BMPER: variants seen among roughly 807,000 people sequenced by gnomAD.
The protein encoded by BMPER is BMP-binding endothelial regulator protein.
BMPER carries 45 observed loss-of-function variants against 87.3 expected under a neutral mutation model. The observed-to-expected ratio is 0.52, with a 90% confidence interval of 0.41 to 0.66. The LOEUF is 0.66. BMPER is among the 30% of genes least tolerant of loss of function. The pLI is 0.00. For missense variants in BMPER, 784 were observed against 867.5 expected (o/e 0.90, Z 1.21); for synonymous variants, 326 against 316.2 (o/e 1.03, Z -0.33).
intron 12 of BMPER, among the ~76,000 whole-genome samples, chr7:34,081,763 A>G (rs57681533): frequency 0.06 from 9,174 of 152,252 alleles, 930 homozygotes; most frequent in African/African-American, 0.21. Context: ...TTTACACTTG[A>G]TGAACCCAGA....
chr7:34,080,866 C>A (rs1464618162), intron 12 of BMPER, among the ~76,000 whole-genome samples: 1 of 151,958 alleles, frequency 6.6e-6, no homozygotes, highest in Non-Finnish European at 1.5e-5. Context: ...AATAAATGTA[C>A]TCTTTACAAA....
chr7:34,017,020 C>G (rs1266729850), intron 6 of BMPER, among the ~76,000 whole-genome samples: 1 of 151,860 alleles, frequency 6.6e-6, no homozygotes, highest in African/African-American at 2.4e-5. Context: ...AGCATGGCCT[C>G]TTTAGAAACT....
intron 3 of BMPER, among the ~76,000 whole-genome samples, chr7:33,958,421 A>C (rs1456851852): frequency 6.6e-6 from 1 of 152,212 alleles, no homozygotes; most frequent in Non-Finnish European, 1.5e-5. Context: ...AAATGTAAAC[A>C]CATTTAGAAC....
chr7:34,013,967 T>C (rs1160692517), intron 6 of BMPER, among the ~76,000 whole-genome samples: 1 of 151,980 alleles, frequency 6.6e-6, no homozygotes, highest in African/African-American at 2.4e-5. Flanking sequence ...CTCCATCTTC[T>C]TTCCCTCACC....
chr7:34,102,013 A>G lies in BMPER; in HGVS notation c.1745+15921A>G, dbSNP rs544013820. Among the ~76,000 whole-genome samples, 76 of 152,362 alleles carry G rather than the reference A, an allele frequency of 5.0e-4. No homozygotes were observed. In the South Asian group the frequency reaches 0.016, roughly 32 times the overall value. On this transcript the variant is annotated intron_variant, in intron 13 of 14. Transcript: ENST00000649409. ...ATGAAGAAAACCCATTAAAGTGGTT[A>G]AAGTTGTAACACATTTCATTTGTAA...
chr7:33,957,875 G>C (rs6970127), intron 3 of BMPER, among the ~76,000 whole-genome samples: 8 of 152,188 alleles, frequency 5.3e-5, no homozygotes, highest in South Asian at 2.1e-4. Context: ...TTTACATTAA[G>C]TAATATGTTT....
At chr7:33,961,770 G>A (rs1425654591) in intron 3 of BMPER, among the ~76,000 whole-genome samples, 1 of 152,132 alleles carries the variant, frequency 6.6e-6, no homozygotes, top group East Asian at 1.9e-4. Flanking sequence ...AAGCCAGATT[G>A]CCTTAGTTGA....
intron 13 of BMPER, among the ~76,000 whole-genome samples, chr7:34,141,947 A>G (rs1265312998): frequency 1.3e-5 from 2 of 152,204 alleles, no homozygotes; most frequent in African/African-American, 2.4e-5. Flanking sequence ...GCTCTCGACA[A>G]TCAGTTGTGC....
intron 13 of BMPER, among the ~76,000 whole-genome samples, chr7:34,122,339 C>T (rs1223333408): frequency 6.6e-6 from 1 of 152,270 alleles, no homozygotes; most frequent in East Asian, 1.9e-4. Context: ...CGGTTTTAGA[C>T]CAGAGCTTCT....
chr7:34,012,497 G>C (rs1404935298), intron 6 of BMPER, among the ~76,000 whole-genome samples: 1 of 151,834 alleles, frequency 6.6e-6, no homozygotes, highest in Middle Eastern at 3.2e-3. Flanking sequence ...CCAAAAAAGA[G>C]CAGAAGATAT....
At chr7:33,907,072 A>G (rs1783838419) in intron 2 of BMPER, among the ~76,000 whole-genome samples, 169 bp downstream of exon 2, 1 of 152,020 alleles carries the variant, frequency 6.6e-6, no homozygotes, top group Non-Finnish European at 1.5e-5. Context: ...AGTTTTATGG[A>G]CTTTGGCAAT....
intron 6 of BMPER, among the ~76,000 whole-genome samples, chr7:34,030,759 C>A (rs1364195329): frequency 3.9e-5 from 6 of 151,916 alleles, no homozygotes; most frequent in Non-Finnish European, 7.4e-5. Flanking sequence ...GCACTGCCAC[C>A]ATGCTTGTCT....
rs574690316 is a variant in BMPER, at chr7:33,994,352, C to T, written c.576+19568C>T. On this transcript the variant is annotated intron_variant, in intron 6 of 14. Transcript: ENST00000649409. Reference sequence around the variant, plus strand: ...CTGTTTTTTAAGCCCGTCGGAAAAGCGCGGTATTCGGGTGGGAGTGACCCG... The same window carrying T: ...CTGTTTTTTAAGCCCGTCGGAAAAGTGCGGTATTCGGGTGGGAGTGACCCG... Among the ~76,000 whole-genome samples, 14 of 152,310 alleles carry T rather than the reference C, an allele frequency of 9.2e-5. No homozygotes were observed. The South Asian group carries it at 1.9e-3, about 20-fold the overall frequency.
chr7:33,963,758 A>C (rs1301976076), intron 3 of BMPER, among the ~76,000 whole-genome samples: 1 of 152,132 alleles, frequency 6.6e-6, no homozygotes, highest in Non-Finnish European at 1.5e-5. Flanking sequence ...GCGCCATTGC[A>C]CTCTAGCCTG....
Position 34,055,185 on chromosome 7 carries a change from G to A in BMPER, c.809G>A (p.Arg270Lys). ...CAGGACTCTACTGTGGTTTGCAAGA[G>A]GAAGTGCTCCCACCCTGGTGGCTGT... Reference protein sequence around the residue: ...TCRDSTVVCKRKCSHPGGCDQ... With the variant: ...TCRDSTVVCKKKCSHPGGCDQ... Residue 270 changes from arginine (R) to lysine (K), a missense_variant, in exon 9 of 15, where the codon AGG (arginine) becomes AAG (lysine). Transcript: ENST00000649409. 2 of 1,614,164 alleles carry A rather than the reference G, an allele frequency of 1.2e-6. No individual in the cohort carries two copies. Among genetic ancestry groups the A allele is most frequent in the South Asian group, 1.1e-5 (1 of 91,076 alleles).
intron 11 of BMPER, among the ~76,000 whole-genome samples, chr7:34,065,821 A>G (rs1404317929): frequency 6.6e-6 from 1 of 151,986 alleles, no homozygotes; most frequent in African/African-American, 2.4e-5. Flanking sequence ...ATATATGTCC[A>G]CTCTTACGTG....
At chr7:34,035,873 AC>A in intron 6 of BMPER, among the ~76,000 whole-genome samples, 1 of 152,342 alleles carries the variant, frequency 6.6e-6, no homozygotes, top group South Asian at 2.1e-4. Context: ...GGTAGCCAGA[AC>A]TTAAAGGTCA....
At chr7:34,007,565 T>C (rs1483673879) in intron 6 of BMPER, among the ~76,000 whole-genome samples, 1 of 152,042 alleles carries the variant, frequency 6.6e-6, no homozygotes, top group Non-Finnish European at 1.5e-5. Flanking sequence ...TGTTCTGTTC[T>C]GTGTCATTTT....
chr7:33,924,281 C>T (rs1322291096), intron 2 of BMPER, among the ~76,000 whole-genome samples: 1 of 152,230 alleles, frequency 6.6e-6, no homozygotes, highest in Admixed American at 6.5e-5. Flanking sequence ...TGTTACTGCT[C>T]TTGACTTTGG....
Sources: allele counts gnomAD v4.1 joint callset (sites outside exome capture counted in the v4.1 genomes callset), GRCh38; gene constraint gnomAD v4.1.1; transcripts MANE v1.5; gene names NCBI Gene and HGNC (gene_info 2026-07-23, HGNC 2026-07-21).